ANKRD27: variants seen among roughly 807,000 people sequenced by gnomAD.
ANKRD27 encodes the protein ankyrin repeat domain-containing protein 27.
ANKRD27 carries 112 observed loss-of-function variants against 129.7 expected under a neutral mutation model. The ratio of observed to expected loss-of-function variants is 0.86; its 90% confidence interval spans 0.74 to 1.01. The LOEUF is 1.01. Among genes scored for constraint, ANKRD27 ranks in the 50% least tolerant of loss-of-function variants. The pLI is 0.00. For missense variants in ANKRD27, 1,258 were observed against 1,300.5 expected (o/e 0.97, Z 0.50); for synonymous variants, 516 against 511.2 (o/e 1.01, Z -0.13).
intron 5 of ANKRD27, 122 bp from the exon 6 acceptor site, chr19:32,643,753 TG>T (rs1967248277): frequency 9.8e-7 from 1 of 1,019,316 alleles, no homozygotes; most frequent in Admixed American, 2.0e-5. Context: ...GTCAATTACG[TG>T]ATTTTTCTCA....
At chr19:32,644,516 C>T in intron 4 of ANKRD27, 37 bp from the exon 5 acceptor site, 3 of 1,604,814 alleles carry the variant, frequency 1.9e-6, no homozygotes, top group Non-Finnish European at 2.6e-6. Flanking sequence ...CGGCTGAAGC[C>T]TCTGCTGGTT....
At chr19:32,657,545 C>G (rs886164064) in intron 2 of ANKRD27, among the ~76,000 whole-genome samples, 21 of 151,190 alleles carry the variant, frequency 1.4e-4, no homozygotes, top group Non-Finnish European at 2.7e-4. Context: ...ATCACTTGAA[C>G]CCGGGAGGCA....
intron 14 of ANKRD27, 27 bp from the exon 15 acceptor site, chr19:32,628,192 T>C (rs1231881754): frequency 1.3e-6 from 2 of 1,595,580 alleles, no homozygotes; most frequent in Admixed American, 3.3e-5. Context: ...GATAGAAAAC[T>C]ACACAGGGGA....
chr19:32,608,679 C>T (rs1223170426), intron 22 of ANKRD27, among the ~76,000 whole-genome samples: 1 of 152,162 alleles, frequency 6.6e-6, no homozygotes, highest in Non-Finnish European at 1.5e-5. Context: ...AGGCTGGGCA[C>T]AGTGGCTCAT....
In ANKRD27 at chr19:32,604,248, A is replaced by AC; in HGVS notation, c.2655+14dup. On this transcript the variant is annotated intron_variant, in intron 25 of 28. Transcript: ENST00000306065. ...AGCTCAGGATTCCCTCGGCTCTTCG[A>AC]CCCTCTCCACCTACCTGTTCAGCAC... The AC allele has an allele frequency of 1.3e-6, 2 of 1,586,040 alleles. No individual in the cohort carries two copies. Among genetic ancestry groups the AC allele is most frequent in the Non-Finnish European group, 1.7e-6 (2 of 1,159,372 alleles).
chr19:32,649,726 T>C lies in ANKRD27; in HGVS notation c.169A>G (p.Ile57Val). Residue 57 changes from isoleucine to valine, a missense_variant, in exon 3 of 29, where the codon ATT becomes GTT. Transcript: ENST00000306065. ...IQSTCQFESY[I>V]LIPVEEHFQT... Reference sequence around the variant, plus strand: ...AAATGCTCTTCCACAGGTATCAAAATGTAGGACTCAAACTGACAAGTAGAC... The same window carrying C: ...AAATGCTCTTCCACAGGTATCAAAACGTAGGACTCAAACTGACAAGTAGAC... 1 of 1,613,922 alleles carries C rather than the reference T, an allele frequency of 6.2e-7. No homozygotes were observed.
At chr19:32,643,698 G>T in intron 5 of ANKRD27, 67 bp from the exon 6 acceptor site, 1 of 1,533,372 alleles carries the variant, frequency 6.5e-7, no homozygotes, top group Non-Finnish European at 9.0e-7. Flanking sequence ...GAGCCGGAGC[G>T]GGTAAGGCGC....
At chr19:32,663,973 G>A (rs373828598) in intron 1 of ANKRD27, among the ~76,000 whole-genome samples, 5,763 of 145,438 alleles carry the variant, frequency 0.04, 194 homozygotes, top group East Asian at 0.2. Flanking sequence ...GGAGAATGGC[G>A]TGAACCCAGG....
chr19:32,667,230 G>A (rs555455266), intron 1 of ANKRD27, among the ~76,000 whole-genome samples: 107 of 152,364 alleles, frequency 7.0e-4, no homozygotes, highest in African/African-American at 2.1e-3. Context: ...CATGCTGCAC[G>A]GCCCCTGCTG....
chr19:32,605,564 G>A (rs890855022), intron 24 of ANKRD27, among the ~76,000 whole-genome samples: 6 of 152,192 alleles, frequency 3.9e-5, no homozygotes, highest in African/African-American at 1.4e-4. Context: ...AGGTAACAGC[G>A]TGACACATTC....
chr19:32,661,220 T>TATAC (rs1967638449), intron 1 of ANKRD27, among the ~76,000 whole-genome samples: 1 of 43,466 alleles, frequency 2.3e-5, no homozygotes, highest in African/African-American at 4.6e-5. Context: ...AAAAAAATTA[T>TATAC]ACACACACAC....
At chr19:32,673,169 C>A in intron 1 of ANKRD27, 1 of 431,694 alleles carries the variant, frequency 2.3e-6, no homozygotes, top group Non-Finnish European at 3.1e-6. Context: ...CCTCTGCCTG[C>A]CCTCCCAGGG....
chr19:32,641,395 G>C (rs1001577950), intron 10 of ANKRD27, among the ~76,000 whole-genome samples: 1 of 152,086 alleles, frequency 6.6e-6, no homozygotes, highest in African/African-American at 2.4e-5. Flanking sequence ...CCATTTTATA[G>C]ACATGGAGTC....
intron 1 of ANKRD27, among the ~76,000 whole-genome samples, chr19:32,664,644 T>TAATAAG (rs1555748665): frequency 6.9e-6 from 1 of 145,230 alleles, no homozygotes; most frequent in Non-Finnish European, 1.5e-5. Context: ...ATAATAATAA[T>TAATAAG]AATAATAATA....
intron 3 of ANKRD27, among the ~76,000 whole-genome samples, chr19:32,647,429 G>A (rs1165966766): frequency 6.6e-6 from 1 of 151,708 alleles, no homozygotes; most frequent in Middle Eastern, 3.2e-3. Flanking sequence ...GTTTTGTTTT[G>A]CTTTTAAAGC....
intron 3 of ANKRD27, among the ~76,000 whole-genome samples, chr19:32,648,369 T>C (rs1967343032): frequency 6.6e-6 from 1 of 152,186 alleles, no homozygotes; most frequent in African/African-American, 2.4e-5. Context: ...ATGAGGACAA[T>C]ATGTTGGAGG....
Position 32,646,509 on chromosome 19 carries a change from C to T in ANKRD27, c.320G>A (p.Ser107Asn), listed in dbSNP as rs145358047. ...ATGGGCTATACACAGGATGCTGAAA[C>T]TCTCTTCTTTTTCATTGTAGAAAGT... is the stretch of plus-strand genomic sequence containing the variant. Reference protein sequence around the residue: ...EETFYNEKEESFSILCIAHPL... With the variant: ...EETFYNEKEENFSILCIAHPL... Residue 107 changes from serine to asparagine, a missense_variant, in exon 4 of 29, where the codon AGT becomes AAT. Ser to Asn is a conservative substitution (Grantham distance 46). Transcript: ENST00000306065. 6.2e-7 allele frequency: 1 copy of T among 1,614,194 alleles called. No homozygotes were observed. Among genetic ancestry groups the T allele is most frequent in the African/African-American group, 1.3e-5 (1 of 75,056 alleles).
chr19:32,604,310 G>C lies in ANKRD27; in HGVS notation c.2608C>G (p.Gln870Glu), dbSNP rs1250567962. 2.5e-6 allele frequency: 4 copies of C among 1,613,800 alleles called. No individual in the cohort carries two copies. The Admixed American group carries it at 6.7e-5, about 27-fold the overall frequency. The change falls in exon 25 of 29, where the codon CAG becomes GAG. Residue 870 changes from glutamine to glutamate, a missense_variant. By Grantham distance (29) the Gln-to-Glu change is conservative. Coordinates refer to ENST00000306065, the MANE Select transcript of ANKRD27 (RefSeq NM_032139.3). Reference sequence around the variant, plus strand: ...GTGCGCTGCCGCTTGTTCAGCACCTGAACTGACGCTCCGTGGAGCAGAAGC... The same window carrying C: ...GTGCGCTGCCGCTTGTTCAGCACCTCAACTGACGCTCCGTGGAGCAGAAGC... ...ELLLLHGASV[Q>E]VLNKRQRTAV...
At chr19:32,663,932 T>C (rs1763245079) in intron 1 of ANKRD27, among the ~76,000 whole-genome samples, 1 of 149,532 alleles carries the variant, frequency 6.7e-6, no homozygotes, top group Middle Eastern at 3.4e-3. Context: ...GGCGGGCGCC[T>C]GTAGTCCCAG....
Sources: gnomAD v4.1 joint callset for allele counts (sites outside exome capture counted in the v4.1 genomes callset) on GRCh38, gnomAD v4.1.1 for gene constraint, MANE v1.5 for transcripts, NCBI Gene and HGNC (gene_info 2026-07-23, HGNC 2026-07-21) for gene names.